The following ALDH1A1 variants were observed in gnomAD, a reference collection of about 807,000 sequenced individuals.
The protein encoded by ALDH1A1 is aldehyde dehydrogenase 1A1.
A neutral mutation model predicts 62.1 loss-of-function variants in ALDH1A1; 19 were observed. That is an observed-to-expected ratio of 0.31 (90% CI 0.21 to 0.45). The LOEUF (loss-of-function observed/expected upper bound fraction) is 0.45. Among genes scored for constraint, ALDH1A1 ranks in the 20% least tolerant of loss-of-function variants. ALDH1A1 has a pLI of 1.00. For missense variants in ALDH1A1, 521 were observed against 607.1 expected, an observed-to-expected ratio of 0.86 and a Z score of 1.49; for synonymous variants, 231 against 215.9, an observed-to-expected ratio of 1.07 and a Z score of -0.61.
At chr9:72,947,110 C>T (rs1032025984) in intron 1 of ALDH1A1, among the ~76,000 whole-genome samples, 3 of 151,888 alleles carry the variant, frequency 2.0e-5, no homozygotes, top group Non-Finnish European at 4.4e-5. Flanking sequence ...TACAGTCAGG[C>T]AGGTGCCAGA....
Position 72,900,785 on chromosome 9 carries a change from A to G in ALDH1A1, c.*423T>C, listed in dbSNP as rs1829792944. On this transcript the variant is annotated 3_prime_UTR_variant, in exon 13 of 13. Coordinates refer to ENST00000297785, the MANE Select transcript of ALDH1A1 (RefSeq NM_000689.5). Reference sequence around the variant, plus strand: ...CTAGGAAACTTTTCAAAACAGTCCAAGGACTTTATAACTACTGGGAACAGA... The same window carrying G: ...CTAGGAAACTTTTCAAAACAGTCCAGGGACTTTATAACTACTGGGAACAGA... 1.3e-5 allele frequency: 2 copies of G among 153,834 alleles called. No individual in the cohort carries two copies. The highest frequency in any genetic ancestry group is 2.4e-5 in the African/African-American group (1 of 41,482). 9.5% of individuals were successfully genotyped at this position (153,834 alleles called of 1,614,324 possible). A position where few individuals can be genotyped will look rare whatever the true frequency, so the allele number is the denominator to read the frequency against.
In ALDH1A1 at chr9:72,927,961, C is replaced by T. The variant is rs73647850; in HGVS notation, c.443-784G>A. On this transcript the variant is annotated intron_variant, in intron 4 of 12. Transcript: ENST00000297785. ...AATTCTGTTCTAGTTCCCACAGAAG[C>T]TTCCTGGTTTCAGCAAGGACTCTCT... Among the ~76,000 whole-genome samples, 492 of 151,322 alleles carry T rather than the reference C, an allele frequency of 3.3e-3. 4 individuals are homozygous for T. The highest frequency in any genetic ancestry group is 0.012 in the African/African-American group (481 of 41,372).
chr9:72,908,689 C>A (rs1829938883), intron 11 of ALDH1A1, among the ~76,000 whole-genome samples: 1 of 151,728 alleles, frequency 6.6e-6, no homozygotes, highest in Non-Finnish European at 1.5e-5. Flanking sequence ...TAATCTTGTG[C>A]TTTTTCCAGG....
At position 72,924,053 on chromosome 9, in the gene ALDH1A1, T is replaced by G. The variant is rs776555074; in HGVS notation, c.713A>C (p.Asp238Ala). Residue 238 changes from aspartate (D) to alanine (A), a missense_variant, in exon 7 of 13, where the codon GAT becomes GCT. By Grantham distance (126) the Asp-to-Ala change is moderately radical. Coordinates refer to ENST00000297785, the MANE Select transcript of ALDH1A1 (RefSeq NM_000689.5). ...TAGAAISSHM[D>A]IDKVAFTGST... ...TCCTGTGAAGGCTACTTTGTCTATA[T>G]CCATGTGAGAAGAAATGGCTGCCCC... The G allele has an allele frequency of 6.2e-6, 10 of 1,612,918 alleles. No homozygotes were observed. In the Admixed American group the frequency reaches 1.2e-4, roughly 19 times the overall value.
At chr9:72,942,629 G>A (rs1201582859) in intron 1 of ALDH1A1, among the ~76,000 whole-genome samples, 1 of 152,122 alleles carries the variant, frequency 6.6e-6, no homozygotes, top group Non-Finnish European at 1.5e-5. Flanking sequence ...CACTGGAGGT[G>A]GTTCACGATC....
In ALDH1A1 at chr9:72,930,915, CA is replaced by C. The variant is rs1227882165; in HGVS notation, c.275del (p.Leu92TrpfsTer4). 6.2e-7 allele frequency: 1 copy of C among 1,613,898 alleles called. No homozygotes were observed. Among genetic ancestry groups the C allele is most frequent in the Non-Finnish European group, 8.5e-7 (1 of 1,179,968 alleles). The part of the protein sequence containing the change: ...ASERGRLLYK[L>X]ADLIERDRLL... The stretch of plus-strand genomic sequence containing the variant: ...GACGATCTCTTTCGATTAAATCAGC[CA>C]ACTTGTATAATAGTCGCCCCCTCTC... On this transcript the variant is annotated frameshift_variant, in exon 3 of 13. Coordinates refer to ENST00000297785, the MANE Select transcript of ALDH1A1 (RefSeq NM_000689.5). LOFTEE classifies it high-confidence loss of function.
chr9:72,932,474 A>G (rs534508978), intron 2 of ALDH1A1, among the ~76,000 whole-genome samples: 1 of 152,318 alleles, frequency 6.6e-6, no homozygotes, highest in African/African-American at 2.4e-5. Context: ...GGCAAGAGAG[A>G]TATTTTAGAA....
chr9:72,908,455 A>G (rs4990322), intron 11 of ALDH1A1, among the ~76,000 whole-genome samples: 10 of 50,524 alleles, frequency 2.0e-4, no homozygotes, highest in African/African-American at 3.0e-4. Flanking sequence ...AAAAAAAAAA[A>G]AAAAAGAAGA....
At chr9:72,940,468 T>A (rs1030422013) in intron 1 of ALDH1A1, among the ~76,000 whole-genome samples, 1 of 152,164 alleles carries the variant, frequency 6.6e-6, no homozygotes, top group African/African-American at 2.4e-5. Flanking sequence ...AGGTATGCAA[T>A]CAGTTCAACA....
intron 2 of ALDH1A1, among the ~76,000 whole-genome samples, chr9:72,932,940 G>A (rs1370870053): frequency 6.6e-6 from 1 of 152,104 alleles, no homozygotes; most frequent in Non-Finnish European, 1.5e-5. Context: ...TAGGGATCTT[G>A]GCCTCCCAAA....
In ALDH1A1 at chr9:72,903,148, C is replaced by A. The variant is rs1829828866; in HGVS notation, c.1434-1868G>T. Reference sequence around the variant, plus strand: ...CCATTAGTTTACACTTCCTTGCTCCCTTTTCTATGGGACAGGAGGAAAAAA... The same window carrying A: ...CCATTAGTTTACACTTCCTTGCTCCATTTTCTATGGGACAGGAGGAAAAAA... On this transcript the variant is annotated intron_variant, in intron 12 of 12. Transcript: ENST00000297785. Among the ~76,000 whole-genome samples, 2 of 152,138 alleles carry A rather than the reference C, an allele frequency of 1.3e-5. 1 individual carries two copies. Among genetic ancestry groups the A allele is most frequent in the South Asian group, 4.1e-4 (2 of 4,826 alleles).
In ALDH1A1 at chr9:72,909,641, G is replaced by A. The variant is rs1157512593; in HGVS notation, c.1319C>T (p.Ala440Val). The A allele has an allele frequency of 6.2e-7, 1 of 1,613,862 alleles. No individual in the cohort carries two copies. Among genetic ancestry groups the A allele is most frequent in the Admixed American group, 1.7e-5 (1 of 59,992 alleles). The change falls in exon 11 of 13, where the codon GCC becomes GTC. Residue 440 changes from alanine to valine, a missense_variant. Physicochemically the swap from Ala to Val is moderately conservative, Grantham distance 64. Transcript: ENST00000297785. Reference protein sequence around the residue: ...AGVFTKDIDKAITISSALQAG... With the variant: ...AGVFTKDIDKVITISSALQAG... The stretch of plus-strand genomic sequence containing the variant: ...CTGCAGAGCAGAGGAGATTGTTATG[G>A]CTTTATCAATGTCTTTGGTAAACAC...
At chr9:72,914,241 G>C (rs1356325998) in intron 9 of ALDH1A1, among the ~76,000 whole-genome samples, 1 of 152,148 alleles carries the variant, frequency 6.6e-6, no homozygotes, top group Non-Finnish European at 1.5e-5. Flanking sequence ...AAATTATTCA[G>C]AAACCATGTA....
chr9:72,908,470 A>G (rs915412930), intron 11 of ALDH1A1, among the ~76,000 whole-genome samples: 1 of 143,614 alleles, frequency 7.0e-6, no homozygotes, highest in Non-Finnish European at 1.5e-5. Context: ...AGAAGAAAGA[A>G]AAGAAAAGAG....
Position 72,953,016 on chromosome 9 carries a change from T to A in ALDH1A1, c.-16A>T, listed in dbSNP as rs1341206122. The A allele has an allele frequency of 1.9e-6, 3 of 1,607,128 alleles. No homozygotes were observed. Among genetic ancestry groups the A allele is most frequent in the Non-Finnish European group, 2.5e-6 (3 of 1,179,144 alleles). On this transcript the variant is annotated 5_prime_UTR_variant, in exon 1 of 13. Transcript: ENST00000297785. The stretch of plus-strand genomic sequence containing the variant: ...AGGATGACATTTCTGATTCGGCTCC[T>A]GGAACACAGGTGACTGGCTCAGCAA...
At chr9:72,909,508 T>C (rs1829952539) in intron 11 of ALDH1A1, 94 bp downstream of exon 11, 1 of 1,261,740 alleles carries the variant, frequency 7.9e-7, no homozygotes, top group Admixed American at 2.6e-5. Context: ...GATAGGTAAT[T>C]CCAAATGAAA....
intron 1 of ALDH1A1, among the ~76,000 whole-genome samples, chr9:72,952,608 C>T (rs1002713106): frequency 6.6e-6 from 1 of 151,904 alleles, no homozygotes. Context: ...GAGTATTTTG[C>T]TCTCTTATCA....
At chr9:72,910,603 A>G (rs965002917) in intron 10 of ALDH1A1, among the ~76,000 whole-genome samples, 5 of 152,212 alleles carry the variant, frequency 3.3e-5, no homozygotes, top group Non-Finnish European at 7.4e-5. Flanking sequence ...AAAGAAAGAC[A>G]ACTGGATTTT....
intron 12 of ALDH1A1, among the ~76,000 whole-genome samples, chr9:72,905,252 A>G (rs1196061463): frequency 6.6e-6 from 1 of 152,160 alleles, no homozygotes; most frequent in Non-Finnish European, 1.5e-5. Context: ...AACAAAATCA[A>G]CTAAGCATAT....
Sources: gnomAD v4.1 joint callset for allele counts (sites outside exome capture counted in the v4.1 genomes callset) on GRCh38, gnomAD v4.1.1 for gene constraint, MANE v1.5 for transcripts, NCBI Gene and HGNC (gene_info 2026-07-23, HGNC 2026-07-21) for gene names.